The following ALG6 variants were observed in gnomAD, a reference collection of about 807,000 sequenced individuals.
ALG6 encodes dolichyl pyrophosphate Man9GlcNAc2 alpha-1,3-glucosyltransferase.
In ALG6, 46 loss-of-function variants were observed where a neutral mutation model predicts 66.6. That is an observed-to-expected ratio of 0.69 (90% CI 0.55 to 0.88). The LOEUF is 0.88. Among genes scored for constraint, ALG6 ranks in the 40% least tolerant of loss-of-function variants. The pLI, the probability that ALG6 is intolerant of heterozygous loss-of-function variation, is 0.00. For missense variants in ALG6, 505 were observed against 586.8 expected, an observed-to-expected ratio of 0.86 and a Z score of 1.44; for synonymous variants, 185 against 203.7, an observed-to-expected ratio of 0.91 and a Z score of 0.78.
At chr1:63,424,774 ATT>A (rs146137714) in intron 12 of ALG6, among the ~76,000 whole-genome samples, 34,558 of 112,576 alleles carry the variant, frequency 0.31, 3,510 homozygotes, top group East Asian at 0.39. Flanking sequence ...TTTTGAGTTA[ATT>A]TTTTTTTTTT....
At position 63,404,429 on chromosome 1, in the gene ALG6, CTG is replaced by C. The variant is rs775271820; in HGVS notation, c.258-22_258-21del. On this transcript the variant is annotated intron_variant, in intron 4 of 14. Transcript: ENST00000263440. ...CTAAAAGGGATGAGGAATGAAGTAT[CTG>C]TATATATGCTTTGATTTGCAGGGCA... 8.4e-6 allele frequency: 13 copies of C among 1,549,398 alleles called. 1 individual carries two copies. In the South Asian group the frequency reaches 1.3e-4, roughly 16 times the overall value.
At chr1:63,397,847 T>C (rs550196635) in intron 3 of ALG6, among the ~76,000 whole-genome samples, 1 of 152,284 alleles carries the variant, frequency 6.6e-6, no homozygotes, top group Admixed American at 6.5e-5. Context: ...TTTTATTACT[T>C]ATAGAATGAA....
intron 2 of ALG6, among the ~76,000 whole-genome samples, chr1:63,379,883 G>C (rs565833692): frequency 1.3e-5 from 2 of 151,328 alleles, no homozygotes; most frequent in Non-Finnish European, 2.9e-5. Context: ...GCTGGAAACC[G>C]AAGTGCCATC....
chr1:63,407,740 A>G (rs893031085), intron 7 of ALG6, among the ~76,000 whole-genome samples: 4 of 152,114 alleles, frequency 2.6e-5, no homozygotes, highest in African/African-American at 9.7e-5. Flanking sequence ...AAAAGACGAC[A>G]TTACACAGCA....
intron 2 of ALG6, among the ~76,000 whole-genome samples, chr1:63,385,811 C>T (rs1011434676): frequency 1.4e-4 from 22 of 152,064 alleles, no homozygotes; most frequent in African/African-American, 5.3e-4. Context: ...ACCTTTATTT[C>T]TTTCTCTTGT....
At chr1:63,381,215 G>A (rs1462787140) in intron 2 of ALG6, among the ~76,000 whole-genome samples, 3 of 152,154 alleles carry the variant, frequency 2.0e-5, no homozygotes, top group African/African-American at 7.2e-5. Context: ...AGCACTTTGG[G>A]AGGCCGAGGC....
At chr1:63,375,442 T>C (rs1310298665) in intron 2 of ALG6, among the ~76,000 whole-genome samples, 1 of 135,908 alleles carries the variant, frequency 7.4e-6, no homozygotes, top group Non-Finnish European at 1.5e-5. Context: ...TTTTTTCCAG[T>C]AGAGACAGGA....
chr1:63,371,613 T>G (rs1436415898), intron 2 of ALG6, among the ~76,000 whole-genome samples: 1 of 151,506 alleles, frequency 6.6e-6, no homozygotes, highest in Non-Finnish European at 1.5e-5. Context: ...TTATTTTATT[T>G]TATTTTTTTG....
intron 12 of ALG6, among the ~76,000 whole-genome samples, chr1:63,425,286 A>T (rs1330176608): frequency 1.3e-5 from 2 of 152,178 alleles, no homozygotes; most frequent in South Asian, 2.1e-4. Context: ...GAGCTGCTGG[A>T]GCACTGTCAT....
At chr1:63,406,261 G>A in intron 5 of ALG6, 56 bp from the exon 6 acceptor site, 1 of 1,459,422 alleles carries the variant, frequency 6.9e-7, no homozygotes, top group Non-Finnish European at 9.6e-7. Context: ...GGCAGTTAAT[G>A]GGTAGCTGTA....
chr1:63,383,155 T>C (rs374311486), intron 2 of ALG6, among the ~76,000 whole-genome samples: 14 of 151,660 alleles, frequency 9.2e-5, no homozygotes, highest in African/African-American at 2.2e-4. Flanking sequence ...CATTGCCCTG[T>C]GCTCCAGCAC....
intron 11 of ALG6, among the ~76,000 whole-genome samples, chr1:63,418,284 T>TTA (rs1644555390): frequency 6.8e-6 from 1 of 148,036 alleles, no homozygotes; most frequent in Admixed American, 6.8e-5. Context: ...TTAAATTTAA[T>TTA]AATTTAATAT....
chr1:63,391,563 C>T (rs1331762399), intron 2 of ALG6, among the ~76,000 whole-genome samples: 1 of 152,180 alleles, frequency 6.6e-6, no homozygotes, highest in Non-Finnish European at 1.5e-5. Flanking sequence ...TCTTCCTGCA[C>T]CTGCCCTTCC....
chr1:63,396,365 A>G, intron 2 of ALG6, 148 bp from the exon 3 acceptor site: 1 of 715,504 alleles, frequency 1.4e-6, no homozygotes, highest in Non-Finnish European at 2.4e-6. Context: ...CTAGATTCAG[A>G]TTTTATCTCT....
At chr1:63,381,048 A>G (rs1379754303) in intron 2 of ALG6, among the ~76,000 whole-genome samples, 3 of 152,216 alleles carry the variant, frequency 2.0e-5, no homozygotes, top group Non-Finnish European at 2.9e-5. Context: ...GGCTGGGCCC[A>G]GTGGCTCACA....
chr1:63,425,875 C>T (rs1474397033), intron 12 of ALG6, among the ~76,000 whole-genome samples: 1 of 151,858 alleles, frequency 6.6e-6, no homozygotes, highest in Non-Finnish European at 1.5e-5. Flanking sequence ...AAAGTGAAAA[C>T]GTGGTAGGAA....
Position 63,370,814 on chromosome 1 carries a change from C to A in ALG6, c.-164C>A. On this transcript the variant is annotated 5_prime_UTR_variant, in exon 2 of 15. Coordinates refer to ENST00000263440, the MANE Select transcript of ALG6 (RefSeq NM_013339.4). ...TAATCAAGTTTTGACTATTTGGAAA[C>A]CAAGCATCATTAAAATTCTCTCAAA... 1 of 657,588 alleles carries A rather than the reference C, an allele frequency of 1.5e-6. No individual in the cohort carries two copies. The allele number at this position is 657,588 out of a possible 1,614,324, so 40.7% of individuals were successfully genotyped here. A position where few individuals can be genotyped will look rare whatever the true frequency, so the allele number is the denominator to read the frequency against.
intron 14 of ALG6, among the ~76,000 whole-genome samples, chr1:63,434,290 G>A (rs1046862452): frequency 6.6e-6 from 1 of 152,154 alleles, no homozygotes; most frequent in Non-Finnish European, 1.5e-5. Flanking sequence ...AATTGCTGGG[G>A]TTGTGAAAGA....
rs1258185626 is a variant in ALG6 at position 63,433,112 on chromosome 1, T to C, written c.1327-3711T>C. ...CACGTGCCACCACACCCTGCCAATTTTTGTATTTTTAATAGAGACGGGGTT... is the reference window on the plus strand; with the variant it reads ...CACGTGCCACCACACCCTGCCAATTCTTGTATTTTTAATAGAGACGGGGTT... On this transcript the variant is annotated intron_variant, in intron 14 of 14. Transcript: ENST00000263440. This position sits in a 1 kb window ranked among gnomAD's most constrained non-coding sequence, Gnocchi z 4.2. 1.3e-5 allele frequency among the ~76,000 whole-genome samples: 2 copies of C among 152,024 alleles called. No homozygotes were observed. The highest frequency in any genetic ancestry group is 4.8e-5 in the African/African-American group (2 of 41,398).
Sources: gnomAD v4.1 joint callset for allele counts (sites outside exome capture counted in the v4.1 genomes callset) on GRCh38, gnomAD v4.1.1 for gene constraint, Gnocchi (gnomAD v3.1) non-coding constraint, MANE v1.5 for transcripts, NCBI Gene and HGNC (gene_info 2026-07-23, HGNC 2026-07-21) for gene names.